Variants in RSU1 observed in about 807,000 individuals in gnomAD.
The protein encoded by RSU1 is Ras suppressor protein 1, also known as rsu-1.
RSU1 carries 26 observed loss-of-function variants against 31.1 expected under a neutral mutation model. That is an observed-to-expected ratio of 0.84 (90% CI 0.61 to 1.16). The LOEUF is 1.16. Among genes scored for constraint, RSU1 ranks in the 50% most tolerant of loss-of-function variants. The probability of loss-of-function intolerance (pLI) is 0.00; values close to 1 mark genes in which losing one functional copy is unlikely to be tolerated. For missense variants in RSU1, 320 were observed against 339.1 expected, an observed-to-expected ratio of 0.94 and a Z score of 0.44; for synonymous variants, 164 against 136.3, an observed-to-expected ratio of 1.20 and a Z score of -1.41.
At chr10:16,671,792 A>AT (rs1835110368) in intron 8 of RSU1, among the ~76,000 whole-genome samples, 1 of 151,094 alleles carries the variant, frequency 6.6e-6, no homozygotes, top group African/African-American at 2.4e-5. Flanking sequence ...TGCCCAGCTA[A>AT]TTTTTGTATT....
At chr10:16,717,701 A>G (rs1836170770) in intron 7 of RSU1, among the ~76,000 whole-genome samples, 1 of 152,210 alleles carries the variant, frequency 6.6e-6, no homozygotes, top group South Asian at 2.1e-4. Flanking sequence ...CAGACCAAGG[A>G]CATAAACTGT....
intron 8 of RSU1, among the ~76,000 whole-genome samples, chr10:16,673,786 C>G (rs59024542): frequency 6.6e-6 from 1 of 152,086 alleles, no homozygotes; most frequent in Non-Finnish European, 1.5e-5. Flanking sequence ...TCTTTATGCT[C>G]GCTTCTGCCT....
Position 16,591,328 on chromosome 10 carries a change from C to G in RSU1, c.*2066G>C, listed in dbSNP as rs1833501234. The G allele has an allele frequency of 6.6e-6, 1 of 152,166 alleles. No homozygotes were observed. Among genetic ancestry groups the G allele is most frequent in the African/African-American group, 2.4e-5 (1 of 41,454 alleles). 9.4% of individuals were successfully genotyped at this position (152,166 alleles called of 1,614,324 possible). ...CTCTGTTTTTCTTGTGTATGCAATGCTATAAGGACAATTCCTAAACATTGC... is the reference window on the plus strand; with the variant it reads ...CTCTGTTTTTCTTGTGTATGCAATGGTATAAGGACAATTCCTAAACATTGC... On this transcript the variant is annotated 3_prime_UTR_variant, in exon 9 of 9. Transcript: ENST00000345264.
At chr10:16,631,463 G>A (rs986787941) in intron 8 of RSU1, among the ~76,000 whole-genome samples, 20 of 152,184 alleles carry the variant, frequency 1.3e-4, no homozygotes, top group South Asian at 8.3e-4. Context: ...GAAACACGGC[G>A]TGACTTTTAC....
chr10:16,625,659 T>G lies in RSU1; in HGVS notation c.732-32163A>C, dbSNP rs143420974. ...TGTCAGTCTCAAAAATGTCTTTGCC[T>G]GGCCAATAAATTATTTGCTCACCTT... On this transcript the variant is annotated intron_variant, in intron 8 of 8. Coordinates refer to ENST00000345264, the MANE Select transcript of RSU1 (RefSeq NM_012425.4). 7.2e-5 allele frequency among the ~76,000 whole-genome samples: 11 copies of G among 152,302 alleles called. No homozygotes were observed. The East Asian group carries it at 2.1e-3, about 29-fold the overall frequency.
intron 7 of RSU1, among the ~76,000 whole-genome samples, chr10:16,705,776 C>A (rs1835886470): frequency 6.6e-6 from 1 of 152,186 alleles, no homozygotes; most frequent in Non-Finnish European, 1.5e-5. Context: ...AGGAGTGAGC[C>A]ACTGCATCCA....
chr10:16,684,000 A>C (rs747269731), intron 8 of RSU1, among the ~76,000 whole-genome samples: 3 of 152,244 alleles, frequency 2.0e-5, no homozygotes, highest in Non-Finnish European at 4.4e-5. Context: ...TGTGGAGACC[A>C]AGATTCTTGA....
chr10:16,815,755 G>A (rs1838515123), intron 2 of RSU1, among the ~76,000 whole-genome samples: 1 of 152,218 alleles, frequency 6.6e-6, no homozygotes. Flanking sequence ...CACAGAGGAG[G>A]GAAGGGATAT....
At chr10:16,599,223 T>G (rs1471372284) in intron 8 of RSU1, among the ~76,000 whole-genome samples, 1 of 152,232 alleles carries the variant, frequency 6.6e-6, no homozygotes, top group African/African-American at 2.4e-5. Flanking sequence ...TGGCATACCA[T>G]GCAGGGCCAT....
chr10:16,736,570 A>G (rs1002192969), intron 7 of RSU1, among the ~76,000 whole-genome samples: 2 of 152,190 alleles, frequency 1.3e-5, no homozygotes, highest in African/African-American at 4.8e-5. Context: ...AAAAAAGACA[A>G]AAAGAATTCA....
At chr10:16,751,235 T>C (rs1287650210) in intron 7 of RSU1, among the ~76,000 whole-genome samples, 6 of 152,176 alleles carry the variant, frequency 3.9e-5, no homozygotes, top group Admixed American at 3.9e-4. Flanking sequence ...CTTGATTCTG[T>C]CACCCTGCTC....
chr10:16,619,121 C>T (rs766576156), intron 8 of RSU1, among the ~76,000 whole-genome samples: 1 of 152,160 alleles, frequency 6.6e-6, no homozygotes, highest in African/African-American at 2.4e-5. Context: ...CCAAAATACT[C>T]AAAACACGTC....
intron 8 of RSU1, among the ~76,000 whole-genome samples, chr10:16,666,023 C>G (rs900108026): frequency 2.6e-5 from 4 of 152,140 alleles, no homozygotes; most frequent in African/African-American, 9.7e-5. Flanking sequence ...TTAATCATAA[C>G]TTTCATGAAT....
At chr10:16,656,627 T>C (rs540466145) in intron 8 of RSU1, among the ~76,000 whole-genome samples, 14 of 152,354 alleles carry the variant, frequency 9.2e-5, no homozygotes, top group East Asian at 5.8e-4. Flanking sequence ...TTTCCATCCT[T>C]GACCAACCAA....
chr10:16,645,481 A>G (rs1472640270), intron 8 of RSU1, among the ~76,000 whole-genome samples: 1 of 152,120 alleles, frequency 6.6e-6, no homozygotes, highest in Non-Finnish European at 1.5e-5. Context: ...CAGACCTAGG[A>G]TAGTCACTTC....
At chr10:16,720,721 C>G (rs1836239637) in intron 7 of RSU1, among the ~76,000 whole-genome samples, 1 of 152,240 alleles carries the variant, frequency 6.6e-6, no homozygotes, top group African/African-American at 2.4e-5. Context: ...AAACCCCCAT[C>G]CAGCTATCAC....
chr10:16,611,000 T>C (rs1005926548), intron 8 of RSU1, among the ~76,000 whole-genome samples: 1 of 152,220 alleles, frequency 6.6e-6, no homozygotes, highest in African/African-American at 2.4e-5. Flanking sequence ...TAAATGCTAC[T>C]TGGTTGGAGA....
In RSU1 at chr10:16,813,791, C is replaced by T. The variant is rs188945153; in HGVS notation, c.109+3182G>A. ...CTGGACTACTAGAAAACTGTAGAAC[C>T]TGTCTGATACCTGTCTCCAGCCTAA... On this transcript the variant is annotated intron_variant, in intron 2 of 8. Transcript: ENST00000345264. Among the ~76,000 whole-genome samples, 515 of 152,320 alleles carry T rather than the reference C, an allele frequency of 3.4e-3. 6 individuals carry two copies. The highest frequency in any genetic ancestry group is 2.5e-3 in the Non-Finnish European group (173 of 68,032).
intron 8 of RSU1, among the ~76,000 whole-genome samples, chr10:16,656,939 A>T (rs1363224165): frequency 6.6e-6 from 1 of 152,226 alleles, no homozygotes; most frequent in African/African-American, 2.4e-5. Flanking sequence ...CCAGTACAGT[A>T]CAAATAGAAG....
Sources: gnomAD v4.1 joint callset for allele counts (sites outside exome capture counted in the v4.1 genomes callset) on GRCh38, gnomAD v4.1.1 for gene constraint, MANE v1.5 for transcripts, NCBI Gene and HGNC (gene_info 2026-07-23, HGNC 2026-07-21) for gene names.